The following NRXN1 variants were observed in gnomAD, a reference collection of about 807,000 sequenced individuals.
NRXN1 encodes the protein neurexin-1.
NRXN1 carries 39 observed loss-of-function variants against 150.9 expected under a neutral mutation model. That is an observed-to-expected ratio of 0.26 (90% confidence interval 0.20 to 0.34). The LOEUF (loss-of-function observed/expected upper bound fraction) is 0.34. NRXN1 is among the 10% of genes least tolerant of loss of function. The pLI, the probability that NRXN1 is intolerant of heterozygous loss-of-function variation, is 1.00. For synonymous variants in NRXN1, 924 were observed against 757.0 expected, an observed-to-expected ratio of 1.22 and a Z score of -3.62; for missense variants, 1,815 against 1,949.9, an observed-to-expected ratio of 0.93 and a Z score of 1.30.
intron 5 of NRXN1, among the ~76,000 whole-genome samples, chr2:50,836,581 T>G (rs957481174): frequency 1.3e-5 from 2 of 152,132 alleles, no homozygotes; most frequent in Non-Finnish European, 2.9e-5. Context: ...TTTGTCCTTT[T>G]ACACCTAGCT....
At chr2:50,357,956 TGACCCAG>T (rs2078938048) in intron 17 of NRXN1, among the ~76,000 whole-genome samples, 1 of 152,004 alleles carries the variant, frequency 6.6e-6, no homozygotes, top group Admixed American at 6.6e-5. Context: ...GGGCGTCACA[TGACCCAG>T]GAAGCACAAG....
chr2:50,248,119 C>G (rs1281322095), intron 17 of NRXN1, among the ~76,000 whole-genome samples: 1 of 152,052 alleles, frequency 6.6e-6, no homozygotes, highest in South Asian at 2.1e-4. Flanking sequence ...CTCAAGCAAT[C>G]CTCCCATCTC....
intron 5 of NRXN1, among the ~76,000 whole-genome samples, chr2:50,741,597 A>C (rs762390553): frequency 2.0e-5 from 3 of 152,158 alleles, no homozygotes; most frequent in Non-Finnish European, 2.9e-5. Flanking sequence ...GGGTTCCTAA[A>C]ATACTGAGAG....
intron 17 of NRXN1, among the ~76,000 whole-genome samples, chr2:50,241,908 C>A (rs1243705336): frequency 1.3e-5 from 2 of 151,732 alleles, no homozygotes; most frequent in South Asian, 2.1e-4. Context: ...AACCAATCAG[C>A]ATGTACAGGT....
intron 18 of NRXN1, among the ~76,000 whole-genome samples, chr2:50,201,843 G>C (rs925965718): frequency 6.6e-6 from 1 of 152,184 alleles, no homozygotes; most frequent in Non-Finnish European, 1.5e-5. Flanking sequence ...TAGCTTCCAA[G>C]GTAGTGCACT....
intron 15 of NRXN1, among the ~76,000 whole-genome samples, chr2:50,482,852 T>C (rs1267601989): frequency 6.6e-6 from 1 of 151,626 alleles, no homozygotes; most frequent in Non-Finnish European, 1.5e-5. Context: ...TCCCAGCACT[T>C]TGGGAGGCTG....
At chr2:50,109,444 C>T (rs770370130) in intron 18 of NRXN1, among the ~76,000 whole-genome samples, 15 of 151,910 alleles carry the variant, frequency 9.9e-5, no homozygotes, top group Non-Finnish European at 2.1e-4. Flanking sequence ...GAAAATTTAG[C>T]CAAAAAAACC....
chr2:50,939,816 C>A (rs1246304359), intron 2 of NRXN1, among the ~76,000 whole-genome samples: 1 of 152,144 alleles, frequency 6.6e-6, no homozygotes, highest in Non-Finnish European at 1.5e-5. Context: ...GTAAACATGA[C>A]ATACATGTTC....
intron 17 of NRXN1, among the ~76,000 whole-genome samples, chr2:50,387,919 T>C (rs1227697235): frequency 2.0e-5 from 3 of 152,272 alleles, no homozygotes; most frequent in Non-Finnish European, 2.9e-5. Flanking sequence ...CACTAGGGGC[T>C]TGGGTAATGA....
intron 18 of NRXN1, among the ~76,000 whole-genome samples, chr2:50,201,398 C>A (rs1418011450): frequency 6.6e-6 from 1 of 152,070 alleles, no homozygotes. Flanking sequence ...TGGTTAGGAT[C>A]CAGTGGAAGA....
At chr2:50,058,589 T>C (rs1474866841) in intron 19 of NRXN1, among the ~76,000 whole-genome samples, 2 of 152,160 alleles carry the variant, frequency 1.3e-5, no homozygotes, top group African/African-American at 2.4e-5. Flanking sequence ...ACTAATGACT[T>C]TTCTGCTGCA....
In NRXN1 at chr2:50,062,930, C is replaced by T. The variant is rs541624615; in HGVS notation, c.3719-7886G>A. Among the ~76,000 whole-genome samples the T allele has an allele frequency of 3.3e-5, 5 of 152,228 alleles. No homozygotes were observed. The South Asian group carries it at 1.0e-3, about 32-fold the overall frequency. On this transcript the variant is annotated intron_variant, in intron 19 of 22. Coordinates refer to ENST00000401669, the MANE Select transcript of NRXN1 (RefSeq NM_001330078.2). ...TAAAAATAACAAGAACAAAAAGAGACTTGCTTCTTTGGAAGGCTTCTTATT... is the reference window on the plus strand; with the variant it reads ...TAAAAATAACAAGAACAAAAAGAGATTTGCTTCTTTGGAAGGCTTCTTATT...
At chr2:50,426,123 A>G (rs569391175) in intron 17 of NRXN1, among the ~76,000 whole-genome samples, 1 of 152,332 alleles carries the variant, frequency 6.6e-6, no homozygotes, top group African/African-American at 2.4e-5. Context: ...AGGTAAACTG[A>G]CCTTGCCTTT....
chr2:49,952,339 A>G (rs1294138153), intron 21 of NRXN1, among the ~76,000 whole-genome samples: 3 of 151,970 alleles, frequency 2.0e-5, no homozygotes, highest in African/African-American at 7.3e-5. Flanking sequence ...GAAGAAATAC[A>G]CACAGACAGG....
At chr2:50,648,873 A>G (rs1315231902) in intron 5 of NRXN1, among the ~76,000 whole-genome samples, 1 of 151,998 alleles carries the variant, frequency 6.6e-6, no homozygotes, top group African/African-American at 2.4e-5. Flanking sequence ...TTCTATTTGT[A>G]GGTCCATCTT....
chr2:50,749,479 A>G (rs1470974369), intron 5 of NRXN1, among the ~76,000 whole-genome samples: 5 of 152,076 alleles, frequency 3.3e-5, no homozygotes, highest in Non-Finnish European at 7.4e-5. Flanking sequence ...GAATTAGTGC[A>G]TAACCCTCTA....
chr2:50,608,446 TTG>T (rs1677487763), intron 8 of NRXN1, among the ~76,000 whole-genome samples: 1 of 152,154 alleles, frequency 6.6e-6, no homozygotes, highest in African/African-American at 2.4e-5. Flanking sequence ...CATCCACAGC[TTG>T]TTTAGTAAAT....
At chr2:50,039,098 A>G (rs1193919775) in intron 21 of NRXN1, among the ~76,000 whole-genome samples, 1 of 151,974 alleles carries the variant, frequency 6.6e-6, no homozygotes, top group Non-Finnish European at 1.5e-5. Flanking sequence ...AATTGCTTGA[A>G]CCCAGGAGGC....
At chr2:50,254,895 C>T (rs1362191957) in intron 17 of NRXN1, among the ~76,000 whole-genome samples, 1 of 152,066 alleles carries the variant, frequency 6.6e-6, no homozygotes, top group African/African-American at 2.4e-5. Context: ...CAGGCTCGAC[C>T]TCCTGAACTC....
Sources: gnomAD v4.1 joint callset for allele counts (sites outside exome capture counted in the v4.1 genomes callset) on GRCh38, gnomAD v4.1.1 for gene constraint, MANE v1.5 for transcripts, NCBI Gene and HGNC (gene_info 2026-07-23, HGNC 2026-07-21) for gene names.